The following SH3RF2 variants were observed in gnomAD, a reference collection of about 807,000 sequenced individuals.
SH3RF2 encodes the protein SH3 domain containing ring finger 2.
Under a neutral mutation model 59.0 loss-of-function variants are expected in SH3RF2, and 43 were observed. The observed-to-expected ratio is 0.73, with a 90% confidence interval of 0.57 to 0.94. SH3RF2 has a LOEUF of 0.94. SH3RF2 is among the 40% of genes least tolerant of loss of function. SH3RF2 has a pLI of 0.00. For synonymous variants in SH3RF2, 391 were observed against 391.5 expected, an observed-to-expected ratio of 1.00 and a Z score of 0.01; for missense variants, 930 against 940.1, an observed-to-expected ratio of 0.99 and a Z score of 0.14.
chr5:145,994,518 G>A (rs1442817985), intron 2 of SH3RF2, among the ~76,000 whole-genome samples: 2 of 152,194 alleles, frequency 1.3e-5, no homozygotes, highest in Non-Finnish European at 2.9e-5. Flanking sequence ...CAGAATCATG[G>A]CAGGAGGTGA....
chr5:146,028,498 T>C (rs1230928860), intron 5 of SH3RF2, among the ~76,000 whole-genome samples: 1 of 152,222 alleles, frequency 6.6e-6, no homozygotes, highest in Non-Finnish European at 1.5e-5. Context: ...CTCAGCACTA[T>C]TGGCATTTTG....
intron 2 of SH3RF2, among the ~76,000 whole-genome samples, chr5:145,996,546 TCTGA>T (rs5871953): frequency 0.61 from 91,897 of 151,626 alleles, 28,107 homozygotes; most frequent in Middle Eastern, 0.8. Context: ...ACGATTGATC[TCTGA>T]CTAATTGTTT....
chr5:146,047,886 C>T (rs1762365894), intron 6 of SH3RF2, 23 bp downstream of exon 6: 2 of 1,609,234 alleles, frequency 1.2e-6, no homozygotes, highest in Non-Finnish European at 1.7e-6. Flanking sequence ...CTCATCCCTT[C>T]ACCCAAGTCC....
At chr5:145,964,087 C>T (rs1249583562) in intron 2 of SH3RF2, among the ~76,000 whole-genome samples, 1 of 152,086 alleles carries the variant, frequency 6.6e-6, no homozygotes, top group East Asian at 1.9e-4. Flanking sequence ...CCACCTCGGC[C>T]TCCCAAAGTG....
chr5:146,045,033 T>C (rs1762256922), intron 5 of SH3RF2, among the ~76,000 whole-genome samples: 1 of 152,238 alleles, frequency 6.6e-6, no homozygotes, highest in Admixed American at 6.5e-5. Flanking sequence ...ATGGTGTTTG[T>C]GGATAGCAGT....
At chr5:146,014,852 G>A (rs1267152573) in intron 5 of SH3RF2, among the ~76,000 whole-genome samples, 1 of 152,182 alleles carries the variant, frequency 6.6e-6, no homozygotes, top group Non-Finnish European at 1.5e-5. Context: ...GCGTAGGGGT[G>A]GTCGTGGCAA....
chr5:146,061,864 T>A (rs1762905259), intron 9 of SH3RF2, among the ~76,000 whole-genome samples: 1 of 152,174 alleles, frequency 6.6e-6, no homozygotes, highest in African/African-American at 2.4e-5. Flanking sequence ...GATTTTTATA[T>A]GCAATCTCCC....
intron 2 of SH3RF2, among the ~76,000 whole-genome samples, chr5:145,944,596 C>T (rs1324414675): frequency 1.3e-5 from 2 of 152,172 alleles, no homozygotes; most frequent in African/African-American, 2.4e-5. Context: ...GTGTGCCACA[C>T]AGTGCCAGGG....
intron 4 of SH3RF2, among the ~76,000 whole-genome samples, chr5:146,007,564 C>T (rs922768683): frequency 6.6e-6 from 1 of 152,166 alleles, no homozygotes; most frequent in Non-Finnish European, 1.5e-5. Flanking sequence ...TGCCTGGTCT[C>T]CTGCATTATC....
At chr5:145,967,534 T>G (rs889037101) in intron 2 of SH3RF2, among the ~76,000 whole-genome samples, 4 of 152,274 alleles carry the variant, frequency 2.6e-5, no homozygotes, top group African/African-American at 9.6e-5. Flanking sequence ...GATTAGAATG[T>G]GAACCCAGGT....
At chr5:146,022,517 G>A (rs1348892120) in intron 5 of SH3RF2, among the ~76,000 whole-genome samples, 1 of 152,184 alleles carries the variant, frequency 6.6e-6, no homozygotes, top group Non-Finnish European at 1.5e-5. Flanking sequence ...CCAGAAAAAT[G>A]TCAGCAAGTG....
chr5:146,007,094 T>C (rs1349221289), intron 4 of SH3RF2, among the ~76,000 whole-genome samples: 1 of 152,184 alleles, frequency 6.6e-6, no homozygotes, highest in African/African-American at 2.4e-5. Flanking sequence ...TGGGTATCAT[T>C]GCCTCTGCCA....
rs148965709 is a variant in SH3RF2, at chr5:145,971,871, AATGATGATGATGATGATG to A, written c.379-28165_379-28148del. On this transcript the variant is annotated intron_variant, in intron 2 of 9. Transcript: ENST00000359120. The stretch of plus-strand genomic sequence containing the variant: ...GGAATAGCCAAGAAATAATAGTGAT[AATGATGATGATGATGATG>A]ATGATGATGATGATGATGATGGCTA... Among the ~76,000 whole-genome samples, 7 of 150,730 alleles carry A rather than the reference AATGATGATGATGATGATG, an allele frequency of 4.6e-5. 1 individual carries two copies. In the South Asian group the frequency reaches 1.3e-3, roughly 27 times the overall value.
chr5:146,043,458 C>T (rs904738907), intron 5 of SH3RF2, among the ~76,000 whole-genome samples: 22 of 152,138 alleles, frequency 1.4e-4, no homozygotes, highest in African/African-American at 4.3e-4. Flanking sequence ...AATGTATTCA[C>T]GTTTTTTAAC....
At chr5:146,061,229 C>T (rs570249320) in intron 9 of SH3RF2, among the ~76,000 whole-genome samples, 1 of 152,268 alleles carries the variant, frequency 6.6e-6, no homozygotes, top group South Asian at 2.1e-4. Flanking sequence ...TAGGAAATGG[C>T]AGCTCAGGGA....
At chr5:145,996,088 G>A (rs1477555232) in intron 2 of SH3RF2, among the ~76,000 whole-genome samples, 1 of 152,190 alleles carries the variant, frequency 6.6e-6, no homozygotes, top group Non-Finnish European at 1.5e-5. Flanking sequence ...TTACTTATCT[G>A]GGGACCAGCA....
At chr5:145,997,318 A>G in intron 2 of SH3RF2, 1 of 1,100,748 alleles carries the variant, frequency 9.1e-7, no homozygotes, top group Non-Finnish European at 1.4e-6. Context: ...GTGAAACCAG[A>G]GCAGCTCCCC....
At chr5:146,058,436 G>C (rs1561768753) in intron 8 of SH3RF2, among the ~76,000 whole-genome samples, 1 of 152,196 alleles carries the variant, frequency 6.6e-6, no homozygotes, top group Non-Finnish European at 1.5e-5. Flanking sequence ...TAAATTGAAA[G>C]GGTCACACTT....
intron 9 of SH3RF2, among the ~76,000 whole-genome samples, chr5:146,069,489 TTGC>T (rs56297729): frequency 1.3e-5 from 2 of 151,226 alleles, no homozygotes; most frequent in Non-Finnish European, 3.0e-5. Flanking sequence ...AAATGAGATC[TTGC>T]TGCTGCTGCT....
Sources: gnomAD v4.1 joint callset for allele counts (sites outside exome capture counted in the v4.1 genomes callset) on GRCh38, gnomAD v4.1.1 for gene constraint, MANE v1.5 for transcripts, NCBI Gene and HGNC (gene_info 2026-07-23, HGNC 2026-07-21) for gene names.